GC: variants seen among roughly 807,000 people sequenced by gnomAD.
GC encodes the protein vitamin D-binding protein.
In GC, 43 loss-of-function variants were observed where a neutral mutation model predicts 56.7. The observed-to-expected ratio is 0.76, with a 90% CI of 0.59 to 0.98. The LOEUF is 0.98. GC is among the 50% of genes least tolerant of loss of function. GC has a pLI of 0.00. For missense variants in GC, 529 were observed against 545.9 expected, an observed-to-expected ratio of 0.97 and a Z score of 0.31; for synonymous variants, 216 against 202.7, an observed-to-expected ratio of 1.07 and a Z score of -0.56.
chr4:71,768,584 G>A (rs1742246637), intron 2 of GC, 151 bp from the exon 3 acceptor site: 4 of 559,088 alleles, frequency 7.2e-6, no homozygotes, highest in African/African-American at 3.9e-5. Flanking sequence ...TTCTGCCTCA[G>A]CCTCCCGAGT....
Position 71,758,176 on chromosome 4 carries a change from A to G in GC, c.702-5T>C, listed in dbSNP as rs768938415. ...TGGGCTAACTTTATGAGATTGCTAA[A>G]CAGTTAAAAATAAATATGTTAGCTT... On this transcript the variant is annotated splice_region_variant and splice_polypyrimidine_tract_variant and intron_variant, in intron 6 of 12. Transcript: ENST00000273951. 4 of 1,610,544 alleles carry G rather than the reference A, an allele frequency of 2.5e-6. No homozygotes were observed. Among genetic ancestry groups the G allele is most frequent in the African/African-American group, 2.7e-5 (2 of 74,770 alleles).
rs752958552 is a variant in GC at position 71,755,037 on chromosome 4, G to C, written c.1105C>G (p.Leu369Val). 4 of 1,600,462 alleles carry C rather than the reference G, an allele frequency of 2.5e-6. No individual in the cohort carries two copies. Among genetic ancestry groups the C allele is most frequent in the Admixed American group, 1.7e-5 (1 of 57,722 alleles). Reference protein sequence around the residue: ...VFLSKVLEPTLKSLGECCDVE... With the variant: ...VFLSKVLEPTVKSLGECCDVE... ...TCACAGCATTCACCAAGGCTTTTTAGGGTTGGCTCAAGTACCTTACTGAGG... is the reference window on the plus strand; with the variant it reads ...TCACAGCATTCACCAAGGCTTTTTACGGTTGGCTCAAGTACCTTACTGAGG... The change falls in exon 9 of 13, where the codon CTA (leucine) becomes GTA (valine). Residue 369 changes from leucine to valine, a missense_variant. Coordinates refer to ENST00000273951, the MANE Select transcript of GC (RefSeq NM_000583.4).
At position 71,747,821 on chromosome 4, in the gene GC, C is replaced by G. The variant is rs933673680; in HGVS notation, c.1396-1616G>C. On this transcript the variant is annotated intron_variant, in intron 11 of 12. Coordinates refer to ENST00000273951, the MANE Select transcript of GC (RefSeq NM_000583.4). Reference sequence around the variant, plus strand: ...TAACTTTAATACAAATTAGACAGAGCTGGCAAAAATGTTGACACAAAAGAA... The same window carrying G: ...TAACTTTAATACAAATTAGACAGAGGTGGCAAAAATGTTGACACAAAAGAA... Among the ~76,000 whole-genome samples the G allele has an allele frequency of 2.2e-4, 34 of 152,152 alleles. No individual in the cohort carries two copies. In the South Asian group the frequency reaches 6.8e-3, roughly 31 times the overall value.
upstream of GC, among the ~76,000 whole-genome samples, chr4:71,786,171 G>T (rs1742828933): frequency 6.6e-6 from 1 of 151,832 alleles, no homozygotes; most frequent in Non-Finnish European, 1.5e-5. Flanking sequence ...TATACGAGCT[G>T]CCAAATGCAT....
At chr4:71,766,596 T>G (rs1742166402) in intron 3 of GC, among the ~76,000 whole-genome samples, 1 of 152,208 alleles carries the variant, frequency 6.6e-6, no homozygotes. Context: ...AAGTTAGTCA[T>G]CTTTTTAAGG....
chr4:71,778,078 C>G (rs1742566964), intron 1 of GC, among the ~76,000 whole-genome samples: 2 of 151,752 alleles, frequency 1.3e-5, no homozygotes, highest in African/African-American at 4.8e-5. Context: ...AGGAATTCAG[C>G]TGCATCAGCA....
Position 71,756,744 on chromosome 4 carries a change from C to G in GC, c.1002G>C (p.Val334=), listed in dbSNP as rs746973979. ...TGACTTTGGTGTTTCCTGGATCACA[C>G]ACATCTTTGTTTGTGGGCAACTCTA... is the stretch of plus-strand genomic sequence containing the variant. ...PDVELPTNKD[V]CDPGNTKVMD... Residue 334 remains valine, a synonymous_variant, in exon 8 of 13, where the codon GTG becomes GTC. Transcript: ENST00000273951. The G allele has an allele frequency of 4.3e-6, 7 of 1,613,462 alleles. No homozygotes were observed. The Admixed American group carries it at 8.3e-5, about 19-fold the overall frequency.
At chr4:71,797,551 C>CT (rs1268992848) in intron 1 of GC, among the ~76,000 whole-genome samples, 8 of 152,150 alleles carry the variant, frequency 5.3e-5, no homozygotes, top group Non-Finnish European at 1.0e-4. Flanking sequence ...GGGAAAAGTC[C>CT]TTTTTTTTCC....
Position 71,756,886 on chromosome 4 carries a change from T to A in GC, c.860A>T (p.Asp287Val). Residue 287 changes from aspartate (D) to valine (V), a missense_variant, in exon 8 of 13, where the codon GAC (aspartate) becomes GTC (valine). By Grantham distance (152) the Asp-to-Val change is radical (BLOSUM62 -3). Transcript: ENST00000273951. ...CTTAGAATTCTTTGTGGATAAATTGTCACAGAGTTTTACTGTGTGTTCAGG... is the reference window on the plus strand; with the variant it reads ...CTTAGAATTCTTTGTGGATAAATTGACACAGAGTTTTACTGTGTGTTCAGG... ...ELPEHTVKLCDNLSTKNSKFE... is the reference protein window; with the variant it reads ...ELPEHTVKLCVNLSTKNSKFE... 2 of 1,613,252 alleles carry A rather than the reference T, an allele frequency of 1.2e-6. No individual in the cohort carries two copies. The highest frequency in any genetic ancestry group is 1.7e-6 in the Non-Finnish European group (2 of 1,179,222).
intron 2 of GC, 145 bp from the exon 3 acceptor site, chr4:71,768,578 G>T (rs1742246565): frequency 6.9e-6 from 4 of 582,336 alleles, no homozygotes; most frequent in South Asian, 2.6e-5. Context: ...AAGCAATTCT[G>T]CCTCAGCCTC....
intron 1 of GC, among the ~76,000 whole-genome samples, chr4:71,782,769 G>A (rs1742725092): frequency 6.6e-6 from 1 of 151,740 alleles, no homozygotes; most frequent in Admixed American, 6.6e-5. Context: ...GCTTCAGTAG[G>A]ATTTTTCAGG....
chr4:71,746,709 A>G (rs978998639), intron 11 of GC, among the ~76,000 whole-genome samples: 2 of 150,544 alleles, frequency 1.3e-5, no homozygotes, highest in African/African-American at 2.5e-5. Flanking sequence ...AGGAGGCACA[A>G]CAAGTCATGA....
intron 3 of GC, among the ~76,000 whole-genome samples, chr4:71,766,086 A>G (rs1742147402): frequency 6.6e-6 from 1 of 152,184 alleles, no homozygotes; most frequent in South Asian, 2.1e-4. Context: ...TGTTTATTAA[A>G]TGAGCTCTCC....
chr4:71,770,044 A>T (rs1382465021), intron 1 of GC, among the ~76,000 whole-genome samples: 1 of 152,038 alleles, frequency 6.6e-6, no homozygotes, highest in African/African-American at 2.4e-5. Context: ...AGTCTGGGGG[A>T]TGGTGGGAAG....
At chr4:71,772,264 C>T (rs1016102324) in intron 1 of GC, among the ~76,000 whole-genome samples, 1 of 151,992 alleles carries the variant, frequency 6.6e-6, no homozygotes, top group Non-Finnish European at 1.5e-5. Context: ...AACTTCTTTT[C>T]CTTATAATAA....
chr4:71,749,959 A>T (rs1359982183), intron 11 of GC, among the ~76,000 whole-genome samples: 1 of 152,194 alleles, frequency 6.6e-6, no homozygotes, highest in African/African-American at 2.4e-5. Context: ...CCCTAAGGTT[A>T]TAAGGAAGAA....
chr4:71,779,569 G>GAA (rs1418879029), intron 1 of GC, among the ~76,000 whole-genome samples: 3 of 151,780 alleles, frequency 2.0e-5, no homozygotes, highest in African/African-American at 7.3e-5. Flanking sequence ...ATAGGAGAGA[G>GAA]AGAGAAGAAG....
At chr4:71,768,962 T>G (rs1351764398) in intron 2 of GC, among the ~76,000 whole-genome samples, 1 of 152,210 alleles carries the variant, frequency 6.6e-6, no homozygotes. Flanking sequence ...ATCAAACCAA[T>G]CTGGTGTTGT....
At chr4:71,743,603 C>T (rs958252234) in intron 12 of GC, among the ~76,000 whole-genome samples, 1 of 152,154 alleles carries the variant, frequency 6.6e-6, no homozygotes, top group African/African-American at 2.4e-5. Context: ...CCCTGGAACC[C>T]AGGAACTGCA....
Sources: allele counts gnomAD v4.1 joint callset (sites outside exome capture counted in the v4.1 genomes callset), GRCh38; gene constraint gnomAD v4.1.1; transcripts MANE v1.5; gene names NCBI Gene and HGNC (gene_info 2026-07-23, HGNC 2026-07-21).